MCMBP: variants seen among roughly 807,000 people sequenced by gnomAD.
The protein encoded by MCMBP is mini-chromosome maintenance complex-binding protein.
MCMBP carries 31 observed loss-of-function variants against 81.3 expected under a neutral mutation model. The observed-to-expected ratio is 0.38, with a 90% CI of 0.29 to 0.51. MCMBP has a LOEUF of 0.51. Among genes scored for constraint, MCMBP ranks in the 20% least tolerant of loss-of-function variants. The pLI is 0.87. For synonymous variants in MCMBP, 267 were observed against 275.9 expected (o/e 0.97, Z 0.32); for missense variants, 645 against 772.1 (o/e 0.84, Z 1.95).
chr10:119,850,874 GTTTTT>G (rs1284100421), intron 6 of MCMBP, among the ~76,000 whole-genome samples: 1 of 130,548 alleles, frequency 7.7e-6, no homozygotes. Context: ...TACAAGATCT[GTTTTT>G]TTTTTTTTTT....
chr10:119,832,037 G>T lies in MCMBP; in HGVS notation c.1771C>A (p.Leu591Ile), dbSNP rs773323758. ...CGAGCCACCACGAGCAGCTGGTGAAGATCATCAGCAGTGATGCTCTGAGGG... is the reference window on the plus strand; with the variant it reads ...CGAGCCACCACGAGCAGCTGGTGAATATCATCAGCAGTGATGCTCTGAGGG... ...NDPQSITADDLHQLLVVARCL... is the reference protein window; with the variant it reads ...NDPQSITADDIHQLLVVARCL... The change falls in exon 15 of 16, where the codon CTT (leucine) becomes ATT (isoleucine). Residue 591 changes from leucine (L) to isoleucine (I), a missense_variant. Coordinates refer to ENST00000369077, the MANE Select transcript of MCMBP (RefSeq NM_001256378.2). 3 of 1,612,522 alleles carry T rather than the reference G, an allele frequency of 1.9e-6. No homozygotes were observed. The African/African-American group carries it at 4.0e-5, about 22-fold the overall frequency.
Position 119,835,604 on chromosome 10 carries a change from T to G in MCMBP, c.1643A>C (p.Lys548Thr). 1 of 1,614,190 alleles carries G rather than the reference T, an allele frequency of 6.2e-7. No homozygotes were observed. Among genetic ancestry groups the G allele is most frequent in the Non-Finnish European group, 8.5e-7 (1 of 1,180,024 alleles). ...LSAVLPSVLN[K>T]FRIYLTLLRF... ...CAAAAGAGTTAGATAAATGCGGAATTTGTTCAGCACGGAAGGCAGCACCGC... is the reference window on the plus strand; with the variant it reads ...CAAAAGAGTTAGATAAATGCGGAATGTGTTCAGCACGGAAGGCAGCACCGC... The change falls in exon 14 of 16, where the codon AAA becomes ACA. Residue 548 changes from lysine (K) to threonine (T), a missense_variant. Transcript: ENST00000369077.
At chr10:119,837,569 T>C (rs1345824830) in intron 12 of MCMBP, among the ~76,000 whole-genome samples, 1 of 152,210 alleles carries the variant, frequency 6.6e-6, no homozygotes, top group African/African-American at 2.4e-5. Context: ...AACCATTTGA[T>C]CTATTATTTC....
chr10:119,872,509 C>A lies in MCMBP; in HGVS notation c.58+18G>T. ...ACTCGGCTGCCCGCCCGGCCCGCCC[C>A]CCGGCGCCGCCACTCACCGAAGAAT... On this transcript the variant is annotated intron_variant, in intron 1 of 15. Coordinates refer to ENST00000369077, the MANE Select transcript of MCMBP (RefSeq NM_001256378.2). The A allele has an allele frequency of 2.5e-6, 3 of 1,188,958 alleles. No individual in the cohort carries two copies. Among genetic ancestry groups the A allele is most frequent in the Non-Finnish European group, 3.1e-6 (3 of 954,430 alleles). 73.7% of individuals were successfully genotyped at this position (1,188,958 alleles called of 1,614,324 possible).
rs151197716 is a variant in MCMBP at position 119,835,581 on chromosome 10, A to G, written c.1666T>C (p.Leu556=). The G allele has an allele frequency of 3.1e-6, 5 of 1,614,190 alleles. No individual in the cohort carries two copies. Among genetic ancestry groups the G allele is most frequent in the Non-Finnish European group, 2.5e-6 (3 of 1,179,998 alleles). ...LNKFRIYLTL[L]RFLEYSISDE... ...GATATGCTATATTCCAAGAATCTCA[A>G]AAGAGTTAGATAAATGCGGAATTTG... The change falls in exon 14 of 16, where the codon TTG becomes CTG. Residue 556 remains leucine (L), a synonymous_variant. Coordinates refer to ENST00000369077, the MANE Select transcript of MCMBP (RefSeq NM_001256378.2).
At chr10:119,843,815 CCAT>C (rs1371616620) in intron 8 of MCMBP, among the ~76,000 whole-genome samples, 1 of 152,098 alleles carries the variant, frequency 6.6e-6, no homozygotes, top group African/African-American at 2.4e-5. Flanking sequence ...GTGCACACCA[CCAT>C]GCCTGGCTAA....
intron 6 of MCMBP, among the ~76,000 whole-genome samples, chr10:119,852,152 CAAAAAAAAAAAAA>C: frequency 1.9e-5 from 1 of 53,094 alleles, no homozygotes; most frequent in Non-Finnish European, 3.1e-5. Context: ...AACTCTGTCT[CAAAAAAAAAAAAA>C]AAAAAAAAAA....
chr10:119,858,768 A>C, intron 4 of MCMBP, 116 bp downstream of exon 4: 1 of 815,476 alleles, frequency 1.2e-6, no homozygotes. Context: ...AAAACATTTC[A>C]CATGATTTCT....
chr10:119,850,767 A>G (rs1444138064), intron 6 of MCMBP, among the ~76,000 whole-genome samples: 8 of 140,084 alleles, frequency 5.7e-5, no homozygotes, highest in Non-Finnish European at 9.4e-5. Context: ...AAAAAAAAGG[A>G]AAAAAAATGA....
rs1852733132 is a variant in MCMBP, at chr10:119,849,502, T to C, written c.649A>G (p.Asn217Asp). 6.2e-7 allele frequency: 1 copy of C among 1,610,932 alleles called. No individual in the cohort carries two copies. The highest frequency in any genetic ancestry group is 8.5e-7 in the Non-Finnish European group (1 of 1,179,116). Reference protein sequence around the residue: ...ETEASTGQQLNSLNLSSPFDL... With the variant: ...ETEASTGQQLDSLNLSSPFDL... ...AAAGGAGAAGACAAGTTCAGAGAGT[T>C]CAGCTGTTGCCCAGTAGAAGCTTCA... Residue 217 changes from asparagine to aspartate, a missense_variant, in exon 7 of 16, where the codon AAC becomes GAC. By Grantham distance (23) the Asn-to-Asp change is conservative. Transcript: ENST00000369077.
chr10:119,859,240 T>C (rs1401604092), intron 2 of MCMBP, 59 bp from the exon 3 acceptor site: 79 of 1,507,750 alleles, frequency 5.2e-5, no homozygotes, highest in Middle Eastern at 2.4e-4. Flanking sequence ...ACATTAAGCA[T>C]ATATACACAA....
chr10:119,855,665 A>ACC (rs1381034391), intron 5 of MCMBP, among the ~76,000 whole-genome samples: 1 of 151,626 alleles, frequency 6.6e-6, no homozygotes, highest in African/African-American at 2.4e-5. Flanking sequence ...AGCCAGCAAG[A>ACC]CCCCGTCTAA....
intron 1 of MCMBP, among the ~76,000 whole-genome samples, chr10:119,862,102 T>C (rs932023499): frequency 6.6e-6 from 1 of 152,002 alleles, no homozygotes; most frequent in African/African-American, 2.4e-5. Flanking sequence ...AGGTCAGGAG[T>C]TCGAGACAAG....
intron 11 of MCMBP, among the ~76,000 whole-genome samples, chr10:119,840,017 A>G (rs1439942562): frequency 1.3e-5 from 2 of 152,200 alleles, no homozygotes; most frequent in Non-Finnish European, 2.9e-5. Context: ...CTTTATCACT[A>G]ATCATTTTTG....
At chr10:119,842,641 C>T in intron 9 of MCMBP, 46 bp from the exon 10 acceptor site, 1 of 1,584,686 alleles carries the variant, frequency 6.3e-7, no homozygotes, top group Admixed American at 1.8e-5. Flanking sequence ...ACTCCAGTTC[C>T]TCTCAAGTGT....
chr10:119,844,210 G>A (rs182714530), intron 8 of MCMBP, among the ~76,000 whole-genome samples: 2 of 152,174 alleles, frequency 1.3e-5, no homozygotes, highest in South Asian at 4.1e-4. Flanking sequence ...ATGATCCCTC[G>A]AAGACTGAGT....
chr10:119,831,707 G>A (rs570366900), intron 15 of MCMBP, 107 bp from the exon 16 acceptor site: 1 of 1,295,794 alleles, frequency 7.7e-7, no homozygotes. Flanking sequence ...CACGTTAGGA[G>A]ACAAGACCGT....
At position 119,842,524 on chromosome 10, in the gene MCMBP, G is replaced by C; in HGVS notation, c.1072C>G (p.Leu358Val). The change falls in exon 10 of 16, where the codon CTG (leucine) becomes GTG (valine). Residue 358 changes from leucine to valine, a missense_variant. Physicochemically the swap from Leu to Val is conservative, Grantham distance 32. Coordinates refer to ENST00000369077, the MANE Select transcript of MCMBP (RefSeq NM_001256378.2). ...ELLGFLTHAL[L>V]GDSLAAEYLI... ...TATTCAGCAGCCAAACTATCCCCCAGAAGGGCATGAGTAAGGAACCCAAGA... is the reference window on the plus strand; with the variant it reads ...TATTCAGCAGCCAAACTATCCCCCACAAGGGCATGAGTAAGGAACCCAAGA... The C allele has an allele frequency of 6.2e-7, 1 of 1,613,960 alleles. No individual in the cohort carries two copies. Among genetic ancestry groups the C allele is most frequent in the South Asian group, 1.1e-5 (1 of 91,074 alleles).
chr10:119,847,834 A>C, intron 7 of MCMBP, 121 bp from the exon 8 acceptor site: 1 of 492,568 alleles, frequency 2.0e-6, no homozygotes, highest in Non-Finnish European at 3.5e-6. Context: ...CAAGTCCTTT[A>C]TTTTATAAAT....
Sources: gnomAD v4.1 joint callset for allele counts (sites outside exome capture counted in the v4.1 genomes callset) on GRCh38, gnomAD v4.1.1 for gene constraint, MANE v1.5 for transcripts, NCBI Gene and HGNC (gene_info 2026-07-23, HGNC 2026-07-21) for gene names.